SP140: variants seen among roughly 807,000 people sequenced by gnomAD.
SP140 encodes nuclear body protein SP140.
In SP140, 81 loss-of-function variants were observed where a neutral mutation model predicts 125.0. That is an observed-to-expected ratio of 0.65 (90% confidence interval 0.54 to 0.78). SP140 has a LOEUF of 0.78. Ranked by LOEUF, SP140 falls within the 30% of genes least tolerant of loss-of-function variation. The pLI, the probability that SP140 is intolerant of heterozygous loss-of-function variation, is 0.00. For synonymous variants in SP140, 312 were observed against 354.0 expected, an observed-to-expected ratio of 0.88 and a Z score of 1.33; for missense variants, 858 against 1,037.0, an observed-to-expected ratio of 0.83 and a Z score of 2.37.
chr2:230,237,316 C>A lies in SP140; in HGVS notation c.237+56C>A. ...CAGGTCCATACTCAATTATGCCAAA[C>A]TTCAAGATGCAATGAGCAGGCTAAA... On this transcript the variant is annotated intron_variant, in intron 2 of 26. Transcript: ENST00000392045. This position sits in a 1 kb window ranked among gnomAD's most constrained non-coding sequence, Gnocchi z 5.4. 1 of 1,525,816 alleles carries A rather than the reference C, an allele frequency of 6.6e-7. No individual in the cohort carries two copies. The highest frequency in any genetic ancestry group is 9.0e-7 in the Non-Finnish European group (1 of 1,113,402). 94.5% of individuals were successfully genotyped at this position (1,525,816 alleles called of 1,614,324 possible).
In SP140 at chr2:230,211,499, ATC is replaced by A. The variant is rs2044473826; in HGVS notation, c.-322-2151_-322-2150del. On this transcript the variant is annotated intron_variant, in intron 1 of 4. Transcript: ENST00000456542. This position sits in a 1 kb window ranked among gnomAD's most constrained non-coding sequence, Gnocchi z 4.2. ...CATAGAGCCCAAGGGAGAGTGGGGC[ATC>A]TCTTGAGGGTCTTCTTTATCTCTTA... is the stretch of plus-strand genomic sequence containing the variant. The A allele has an allele frequency of 6.2e-7, 1 of 1,610,642 alleles. No homozygotes were observed. Among genetic ancestry groups the A allele is most frequent in the African/African-American group, 1.3e-5 (1 of 74,870 alleles).
Position 230,213,027 on chromosome 2 carries a change from A to G in SP140, c.-322-627A>G, listed in dbSNP as rs768821081. On this transcript the variant is annotated intron_variant, in intron 1 of 4. Transcript: ENST00000456542. ...GCTCTGCCATTCATAGGAAGCACCA[A>G]CTGGGATTGGTGAAGGGACACACAT... is the stretch of plus-strand genomic sequence containing the variant. 6.8e-6 allele frequency: 11 copies of G among 1,613,724 alleles called. No individual in the cohort carries two copies. In the African/African-American group the frequency reaches 9.4e-5, roughly 14 times the overall value.
chr2:230,202,178 C>A (rs1183149064), upstream of SP140, among the ~76,000 whole-genome samples: 1 of 152,096 alleles, frequency 6.6e-6, no homozygotes, highest in Non-Finnish European at 1.5e-5. Flanking sequence ...TGTTAACAGG[C>A]AATTGGTTTA....
chr2:230,274,701 A>G (rs1215150103), intron 15 of SP140, among the ~76,000 whole-genome samples: 4 of 152,174 alleles, frequency 2.6e-5, no homozygotes, highest in Admixed American at 1.3e-4. Flanking sequence ...TTCACCCTAT[A>G]CGGTTATATT....
rs1575200922 is a variant in SP140, at chr2:230,284,281, A to T, written c.1499-65A>T. ...AAAAAAAATCTTTAATACTATTGGCATATAAAACTCAGAGAATTATATTTA... is the reference window on the plus strand; with the variant it reads ...AAAAAAAATCTTTAATACTATTGGCTTATAAAACTCAGAGAATTATATTTA... On this transcript the variant is annotated intron_variant, in intron 15 of 26. Transcript: ENST00000392045. 3.5e-6 allele frequency: 5 copies of T among 1,446,460 alleles called. No individual in the cohort carries two copies. In the Admixed American group the frequency reaches 7.1e-5, roughly 20 times the overall value. The allele number at this position is 1,446,460 out of a possible 1,614,324, so 89.6% of individuals were successfully genotyped here.
At chr2:230,309,035 C>T (rs1047804014) in intron 22 of SP140, among the ~76,000 whole-genome samples, 2 of 152,182 alleles carry the variant, frequency 1.3e-5, no homozygotes, top group African/African-American at 4.8e-5. Context: ...GGGATTTGCT[C>T]CACAACACGT....
In SP140 at chr2:230,237,214, T is replaced by G. The variant is rs1259315262; in HGVS notation, c.191T>G (p.Leu64Arg). The change falls in exon 2 of 27, where the codon CTT becomes CGT. Residue 64 changes from leucine to arginine, a missense_variant. By Grantham distance (102) the Leu-to-Arg change is moderately radical. Around this residue, in one of 4 missense-constraint regions of SP140, gnomAD observed 791 missense variants for 869.5 expected, o/e 0.91. Transcript: ENST00000392045. This position sits in a 1 kb window ranked among gnomAD's most constrained non-coding sequence, Gnocchi z 5.4. ...ASAITRPFPF[L>R]MGLRDRSFIS... ...GCAATAACAAGGCCATTTCCTTTCC[T>G]TATGGGCCTCCGAGACCGCTCCTTC... 6.2e-7 allele frequency: 1 copy of G among 1,611,826 alleles called. No homozygotes were observed. Among genetic ancestry groups the G allele is most frequent in the Middle Eastern group, 1.7e-4 (1 of 6,046 alleles).
At position 230,213,125 on chromosome 2, in the gene SP140, A is replaced by T. The variant is rs892285665; in HGVS notation, c.-322-529A>T. 3 of 1,192,368 alleles carry T rather than the reference A, an allele frequency of 2.5e-6. No homozygotes were observed. The African/African-American group carries it at 4.5e-5, about 18-fold the overall frequency. The allele number at this position is 1,192,368 out of a possible 1,614,324, so 73.9% of individuals were successfully genotyped here. On this transcript the variant is annotated intron_variant, in intron 1 of 4. Transcript: ENST00000456542. ...ACATGCCTTCCAATAGGATGGGGGCATGGAGCTATTCATTGTCCCCCAGGT... is the reference window on the plus strand; with the variant it reads ...ACATGCCTTCCAATAGGATGGGGGCTTGGAGCTATTCATTGTCCCCCAGGT...
chr2:230,242,837 C>G (rs1196732538), intron 4 of SP140, among the ~76,000 whole-genome samples: 1 of 152,130 alleles, frequency 6.6e-6, no homozygotes, highest in African/African-American at 2.4e-5. Flanking sequence ...AAGACCAGGT[C>G]TCTGGTCCAG....
Position 230,253,314 on chromosome 2 carries a change from A to G in SP140, c.1058-2A>G. ...TCCAAGTCACCCTCTGTGGTCTGTC[A>G]GTTTCTTGTTTATCTGCAGAGACCT... On this transcript the variant is annotated splice_acceptor_variant, in intron 10 of 26. Coordinates refer to ENST00000392045, the MANE Select transcript of SP140 (RefSeq NM_007237.5). LOFTEE classifies it high-confidence loss of function. 1 of 1,603,698 alleles carries G rather than the reference A, an allele frequency of 6.2e-7. No homozygotes were observed. Among genetic ancestry groups the G allele is most frequent in the African/African-American group, 1.3e-5 (1 of 74,722 alleles).
At chr2:230,214,834 C>T in intron 3 of SP140, 2 of 851,498 alleles carry the variant, frequency 2.3e-6, no homozygotes, top group South Asian at 2.8e-5. Context: ...ATGGTCCATT[C>T]CACCCCAGAG....
intron 15 of SP140, among the ~76,000 whole-genome samples, chr2:230,274,399 G>A (rs1188140222): frequency 6.6e-6 from 1 of 152,216 alleles, no homozygotes; most frequent in Non-Finnish European, 1.5e-5. Context: ...TCGAGAGAGG[G>A]ATGTGTGACT....
At chr2:230,266,653 C>T (rs781641982) in intron 12 of SP140, among the ~76,000 whole-genome samples, 1 of 152,188 alleles carries the variant, frequency 6.6e-6, no homozygotes, top group Non-Finnish European at 1.5e-5. Flanking sequence ...ATCTTGCAAT[C>T]GAGCTCACCC....
chr2:230,250,918 T>G, intron 9 of SP140, 63 bp from the exon 10 acceptor site: 1 of 1,583,588 alleles, frequency 6.3e-7, no homozygotes. Flanking sequence ...ATACTTCAGC[T>G]TCCCACGTCT....
At chr2:230,216,919 G>A in intron 3 of SP140, 1 of 1,613,568 alleles carries the variant, frequency 6.2e-7, no homozygotes, top group Non-Finnish European at 8.5e-7. Context: ...CTCTTGTCAT[G>A]GTGAACATCC....
intron 12 of SP140, among the ~76,000 whole-genome samples, chr2:230,257,828 G>T (rs1417377643): frequency 6.6e-6 from 1 of 152,028 alleles, no homozygotes; most frequent in African/African-American, 2.4e-5. Flanking sequence ...TGAATTTATT[G>T]TTCAGTTAAG....
intron 22 of SP140, among the ~76,000 whole-genome samples, chr2:230,308,869 C>T (rs988568998): frequency 2.0e-5 from 3 of 152,188 alleles, no homozygotes; most frequent in Non-Finnish European, 4.4e-5. Flanking sequence ...ATATTGAACT[C>T]TAATTTTAGT....
At chr2:230,254,641 T>C (rs1422568677) in intron 11 of SP140, among the ~76,000 whole-genome samples, 2 of 152,266 alleles carry the variant, frequency 1.3e-5, no homozygotes, top group Non-Finnish European at 2.9e-5. Flanking sequence ...TCCTGTTTGC[T>C]CTTCTACTCA....
intron 12 of SP140, among the ~76,000 whole-genome samples, chr2:230,258,681 C>T (rs1176509671): frequency 6.6e-6 from 1 of 152,146 alleles, no homozygotes; most frequent in East Asian, 1.9e-4. Flanking sequence ...ACGTGGCTTT[C>T]CCACATGTGC....
Sources: allele counts gnomAD v4.1 joint callset (sites outside exome capture counted in the v4.1 genomes callset), GRCh38; gene constraint gnomAD v4.1.1; regional missense constraint gnomAD v4.1.1; non-coding constraint Gnocchi (gnomAD v3.1); transcripts MANE v1.5; gene names NCBI Gene and HGNC (gene_info 2026-07-23, HGNC 2026-07-21).